DGKK: variants seen among roughly 807,000 people sequenced by gnomAD.
DGKK encodes diacylglycerol kinase kappa, also known as 142 kDa diacylglycerol kinase.
DGKK carries 35 observed loss-of-function variants against 92.2 expected under a neutral mutation model. The ratio of observed to expected loss-of-function variants is 0.38; its 90% CI spans 0.29 to 0.50. The LOEUF (loss-of-function observed/expected upper bound fraction) is 0.50, where lower values mean the gene tolerates loss of function less well. Ranked by LOEUF, DGKK falls within the 20% of genes least tolerant of loss-of-function variation. DGKK has a pLI of 0.92. For missense variants in DGKK, 910 were observed against 992.2 expected, an observed-to-expected ratio of 0.92 and a Z score of 1.11; for synonymous variants, 368 against 360.6, an observed-to-expected ratio of 1.02 and a Z score of -0.23.
chrX:50,379,746 G>A lies in DGKK; in HGVS notation c.2755-12C>T. ...GTTTCTCCATCACACTGAAAGAAAA[G>A]AGTAGCTCTCATTAGCTGGATCTTT... On this transcript the variant is annotated splice_polypyrimidine_tract_variant and intron_variant, in intron 19 of 27. Transcript: ENST00000611977. The A allele has an allele frequency of 1.7e-6, 2 of 1,177,257 alleles. No individual in the cohort carries two copies. Among genetic ancestry groups the A allele is most frequent in the Non-Finnish European group, 1.2e-6 (1 of 864,340 alleles).
At position 50,367,322 on chromosome X, in the gene DGKK, G is replaced by A. The variant is rs1923997597; in HGVS notation, c.*1618C>T. The A allele has an allele frequency of 9.0e-6, 1 of 111,582 alleles. No individual in the cohort carries two copies. Among genetic ancestry groups the A allele is most frequent in the Non-Finnish European group, 1.9e-5 (1 of 53,091 alleles). 9.2% of individuals were successfully genotyped at this position (111,582 alleles called of 1,213,427 possible). On this transcript the variant is annotated 3_prime_UTR_variant, in exon 28 of 28. Transcript: ENST00000611977. ...AGGCTGACCAGAGAGAACCTCTCTG[G>A]GCATTGGGGTTTGATTAGATTTGCC... is the stretch of plus-strand genomic sequence containing the variant.
chrX:50,384,094 T>C (rs1156623918), intron 17 of DGKK, 74 bp downstream of exon 17: 18 of 649,230 alleles, frequency 2.8e-5, no homozygotes, highest in Non-Finnish European at 4.0e-5. Context: ...GATTTGACTA[T>C]GGATATCCTA....
At chrX:50,375,710 T>C (rs1924252870) in intron 24 of DGKK, among the ~76,000 whole-genome samples, 1 of 111,651 alleles carries the variant, frequency 9.0e-6, no homozygotes, top group African/African-American at 3.3e-5. Context: ...AGAGATCTAC[T>C]TGTGATAAGG....
Position 50,393,240 on chromosome X carries a change from G to A in DGKK, c.1507C>T (p.His503Tyr), listed in dbSNP as rs782692314. The A allele has an allele frequency of 6.8e-5, 82 of 1,208,041 alleles. No homozygotes were observed. Among genetic ancestry groups the A allele is most frequent in the Non-Finnish European group, 8.9e-5 (80 of 893,898 alleles). The change falls in exon 9 of 28, where the codon CAT becomes TAT. Residue 503 changes from histidine (H) to tyrosine (Y), a missense_variant. By Grantham distance (83) the His-to-Tyr change is moderately conservative (BLOSUM62 2). Coordinates refer to ENST00000611977, the MANE Select transcript of DGKK (RefSeq NM_001013742.4). The stretch of plus-strand genomic sequence containing the variant: ...TTTCGGAGGAAGACGATCCCCTGAT[G>A]ATCGCCACTTTTGGAGTTGATGAAG... Reference protein sequence around the residue: ...LIFINSKSGDHQGIVFLRKFK... With the variant: ...LIFINSKSGDYQGIVFLRKFK...
At chrX:50,456,870 C>A (rs1408220255) in intron 1 of DGKK, among the ~76,000 whole-genome samples, 2 of 111,526 alleles carry the variant, frequency 1.8e-5, no homozygotes, top group African/African-American at 6.5e-5. Context: ...GCTATGGGAA[C>A]CCTAGGTTCT....
intron 25 of DGKK, among the ~76,000 whole-genome samples, chrX:50,373,780 C>T (rs190918722): frequency 1.3e-3 from 148 of 112,347 alleles, no homozygotes; most frequent in Non-Finnish European, 2.2e-3. Flanking sequence ...GCCTCAGGGC[C>T]TTACCAGCCA....
At chrX:50,389,971 A>G (rs192241892) in intron 12 of DGKK, among the ~76,000 whole-genome samples, 2 of 111,001 alleles carry the variant, frequency 1.8e-5, no homozygotes, top group Non-Finnish European at 3.8e-5. Flanking sequence ...AACCCCCTCT[A>G]CTTCCTTATA....
Position 50,366,268 on chromosome X carries a change from G to A in DGKK, c.*2672C>T, listed in dbSNP as rs1209441519. 1 of 112,041 alleles carries A rather than the reference G, an allele frequency of 8.9e-6. No homozygotes were observed. The highest frequency in any genetic ancestry group is 3.2e-5 in the African/African-American group (1 of 30,813). The allele number at this position is 112,041 out of a possible 1,213,427, so 9.2% of individuals were successfully genotyped here. ...TCCAAGTGAGCATATGCAAGAACAG[G>A]TGCTTGGCAAGCTATCTTCCTTTTT... On this transcript the variant is annotated 3_prime_UTR_variant, in exon 28 of 28. Transcript: ENST00000611977.
At chrX:50,418,742 A>AT (rs1181186008) in intron 4 of DGKK, among the ~76,000 whole-genome samples, 8 of 111,183 alleles carry the variant, frequency 7.2e-5, no homozygotes, top group Non-Finnish European at 1.1e-4. Flanking sequence ...AAACAGGGAG[A>AT]TTTTTTTCCT....
rs1233066084 is a variant in DGKK at position 50,403,553 on chromosome X, T to C, written c.1123A>G (p.Lys375Glu). The C allele has an allele frequency of 8.3e-7, 1 of 1,208,947 alleles. No homozygotes were observed. The highest frequency in any genetic ancestry group is 1.1e-6 in the Non-Finnish European group (1 of 894,882). ...GACAATGTATTCCACTTGCAGTCTT[T>C]GCTTGCTCTCAAAGCACACAATCTG... ...SHRLCALRAS[K>E]DCKWNTLSIT... is the part of the protein sequence containing the mutation. The change falls in exon 6 of 28, where the codon AAA becomes GAA. Residue 375 changes from lysine to glutamate, a missense_variant. Physicochemically the swap from Lys to Glu is moderately conservative, Grantham distance 56. Transcript: ENST00000611977.
chrX:50,371,956 C>A, intron 25 of DGKK, 122 bp from the exon 26 acceptor site: 1 of 430,806 alleles, frequency 2.3e-6, no homozygotes, highest in Non-Finnish European at 4.0e-6. Context: ...ACTTGTATCC[C>A]TTTGGCCCAT....
At chrX:50,466,010 C>CTTTTTTTTTTTTTTTTTTTT (rs1194066821) in intron 1 of DGKK, among the ~76,000 whole-genome samples, 1 of 58,337 alleles carries the variant, frequency 1.7e-5, no homozygotes, top group Non-Finnish European at 3.0e-5. Context: ...TTTTCTTTTT[C>CTTTTTTTTTTTTTTTTTTTT]TTTTTTCTTT....
At chrX:50,431,369 T>C (rs1925882956) in intron 1 of DGKK, among the ~76,000 whole-genome samples, 1 of 111,185 alleles carries the variant, frequency 9.0e-6, no homozygotes, top group South Asian at 3.8e-4. Context: ...ATTTACCTTT[T>C]CCTAGCAAAA....
At chrX:50,440,529 T>C (rs781851714) in intron 1 of DGKK, among the ~76,000 whole-genome samples, 10 of 111,717 alleles carry the variant, frequency 9.0e-5, no homozygotes, top group South Asian at 7.5e-4. Context: ...TATTATACTT[T>C]GTCATTCATG....
chrX:50,452,780 G>C (rs1926525518), intron 1 of DGKK, among the ~76,000 whole-genome samples: 1 of 111,734 alleles, frequency 8.9e-6, no homozygotes, highest in South Asian at 3.7e-4. Flanking sequence ...GATATTCTAT[G>C]GTGGGAAATA....
In DGKK at chrX:50,470,105, C is replaced by T. The variant is rs782736038; in HGVS notation, c.574G>A (p.Gly192Ser). 4.1e-6 allele frequency: 5 copies of T among 1,210,707 alleles called. No homozygotes were observed. Among genetic ancestry groups the T allele is most frequent in the Non-Finnish European group, 4.5e-6 (4 of 895,263 alleles). The change falls in exon 1 of 28, where the codon GGT becomes AGT. Residue 192 changes from glycine to serine, a missense_variant. Gly to Ser is a moderately conservative substitution (Grantham distance 56). Transcript: ENST00000611977. ...GATGGCGATGGCGAGGTCTTTAGAC[C>T]TCTCTCTCGAGTGTCCACCGGACAT... ...LQCPVDTRER[G>S]LKTSPSPSPS...
intron 4 of DGKK, among the ~76,000 whole-genome samples, chrX:50,408,932 G>T (rs1357230811): frequency 1.8e-5 from 2 of 111,428 alleles, no homozygotes; most frequent in Non-Finnish European, 3.8e-5. Flanking sequence ...AATGTATTTT[G>T]CACATTGGAA....
intron 1 of DGKK, among the ~76,000 whole-genome samples, chrX:50,443,828 C>T (rs782189551): frequency 1.8e-5 from 2 of 110,008 alleles, no homozygotes; most frequent in South Asian, 3.9e-4. Context: ...AAACTCTCTC[C>T]TGCTATCCTT....
intron 1 of DGKK, among the ~76,000 whole-genome samples, chrX:50,440,467 CA>C (rs1371573149): frequency 8.9e-6 from 1 of 111,850 alleles, no homozygotes; most frequent in Admixed American, 9.5e-5. Flanking sequence ...TACTACGTAA[CA>C]GCTTCTGCCA....
Sources: allele counts gnomAD v4.1 joint callset (sites outside exome capture counted in the v4.1 genomes callset), GRCh38; gene constraint gnomAD v4.1.1; transcripts MANE v1.5; gene names NCBI Gene and HGNC (gene_info 2026-07-23, HGNC 2026-07-21).